INTS13: variants seen among roughly 807,000 people sequenced by gnomAD.
The protein encoded by INTS13 is asunder, spermatogenesis regulator homolog (Drosphila).
Under a neutral mutation model 90.2 loss-of-function variants are expected in INTS13, and 35 were observed. That is an observed-to-expected ratio of 0.39 (90% CI 0.30 to 0.51). The LOEUF is 0.51. Ranked by LOEUF, INTS13 falls within the 20% of genes least tolerant of loss-of-function variation. The probability of loss-of-function intolerance (pLI) is 0.80; values close to 1 mark genes in which losing one functional copy is unlikely to be tolerated. For synonymous variants in INTS13, 309 were observed against 277.1 expected (o/e 1.11, Z -1.14); for missense variants, 601 against 851.2 (o/e 0.71, Z 3.66).
At chr12:26,932,857 T>G (rs778415732) in intron 3 of INTS13, among the ~76,000 whole-genome samples, 1 of 152,204 alleles carries the variant, frequency 6.6e-6, no homozygotes, top group South Asian at 2.1e-4. Flanking sequence ...ATGAAGTATA[T>G]AGTCAGCAAT....
intron 10 of INTS13, 72 bp downstream of exon 10, chr12:26,917,276 CAAAT>C (rs1421107103): frequency 1.7e-5 from 7 of 415,172 alleles, no homozygotes; most frequent in African/African-American, 1.1e-4. Context: ...TAATTTCACT[CAAAT>C]AATAATTTAA....
At chr12:26,917,892 G>A (rs940910576) in intron 8 of INTS13, among the ~76,000 whole-genome samples, 159 bp from the exon 9 acceptor site, 1 of 152,172 alleles carries the variant, frequency 6.6e-6, no homozygotes, top group Non-Finnish European at 1.5e-5. Flanking sequence ...GGGAGGCTGA[G>A]GCAGGTGGAT....
intron 8 of INTS13, among the ~76,000 whole-genome samples, chr12:26,919,622 G>C (rs1952048186): frequency 6.6e-6 from 1 of 151,982 alleles, no homozygotes; most frequent in Non-Finnish European, 1.5e-5. Flanking sequence ...AAAATTAGTA[G>C]ACAAAATCAA....
chr12:26,935,781 C>T (rs889642377), intron 2 of INTS13, among the ~76,000 whole-genome samples: 2 of 152,196 alleles, frequency 1.3e-5, no homozygotes, highest in Non-Finnish European at 2.9e-5. Context: ...AGACTATGTT[C>T]ACCTTTACTC....
chr12:26,924,690 T>C (rs1184981833), intron 6 of INTS13, among the ~76,000 whole-genome samples: 1 of 152,184 alleles, frequency 6.6e-6, no homozygotes, highest in Non-Finnish European at 1.5e-5. Flanking sequence ...ATTAATCAGT[T>C]TGCTAGATAC....
chr12:26,913,859 AATATAT>A, intron 13 of INTS13, 109 bp downstream of exon 13: 3 of 1,168,810 alleles, frequency 2.6e-6, no homozygotes, highest in Non-Finnish European at 3.6e-6. Flanking sequence ...TTTCATCTCA[AATATAT>A]ATATAAACAT....
intron 7 of INTS13, among the ~76,000 whole-genome samples, chr12:26,923,024 T>C (rs1264113691): frequency 1.3e-5 from 2 of 152,140 alleles, no homozygotes; most frequent in African/African-American, 4.8e-5. Context: ...TATACAAATA[T>C]AATGTAATTG....
chr12:26,924,902 G>C (rs946634624), intron 6 of INTS13, among the ~76,000 whole-genome samples: 1 of 152,096 alleles, frequency 6.6e-6, no homozygotes, highest in Non-Finnish European at 1.5e-5. Context: ...CTAAAAGAAT[G>C]AATGTGGAAA....
chr12:26,935,541 G>A (rs963201459), intron 2 of INTS13, among the ~76,000 whole-genome samples: 1 of 152,062 alleles, frequency 6.6e-6, no homozygotes, highest in African/African-American at 2.4e-5. Flanking sequence ...AGCTTACATC[G>A]AGGAAGTAAG....
intron 15 of INTS13, among the ~76,000 whole-genome samples, chr12:26,907,541 T>C (rs1951645410): frequency 6.6e-6 from 1 of 152,194 alleles, no homozygotes; most frequent in African/African-American, 2.4e-5. Context: ...GTTAGATTTC[T>C]AACATGTAAC....
intron 8 of INTS13, among the ~76,000 whole-genome samples, chr12:26,921,203 C>G (rs1952109572): frequency 6.6e-6 from 1 of 152,216 alleles, no homozygotes; most frequent in Non-Finnish European, 1.5e-5. Flanking sequence ...ACTCCAGAGT[C>G]TTCTCCCCTA....
At chr12:26,913,870 A>ATC in intron 13 of INTS13, 104 bp downstream of exon 13, 1 of 1,198,822 alleles carries the variant, frequency 8.3e-7, no homozygotes, top group South Asian at 1.4e-5. Flanking sequence ...ATATATATAT[A>ATC]AACATGTCCT....
At chr12:26,929,844 G>A (rs768151242) in intron 3 of INTS13, among the ~76,000 whole-genome samples, 2 of 151,666 alleles carry the variant, frequency 1.3e-5, no homozygotes, top group Non-Finnish European at 2.9e-5. Flanking sequence ...AAGAGAGAGA[G>A]AGAGGATGGA....
At chr12:26,926,356 A>T (rs367988983) in intron 5 of INTS13, among the ~76,000 whole-genome samples, 1 of 152,210 alleles carries the variant, frequency 6.6e-6, no homozygotes, top group African/African-American at 2.4e-5. Flanking sequence ...TATGTCCTTC[A>T]CCTAGAGTCA....
intron 8 of INTS13, chr12:26,919,219 A>T (rs4353353): frequency 0.27 from 42,532 of 156,860 alleles, 5,799 homozygotes; most frequent in South Asian, 0.35. Context: ...TAGAGGAAAG[A>T]CTATTCAGGC....
intron 14 of INTS13, among the ~76,000 whole-genome samples, chr12:26,913,138 G>A (rs897350320): frequency 2.0e-5 from 3 of 152,104 alleles, no homozygotes; most frequent in African/African-American, 4.8e-5. Context: ...AATATTTAGT[G>A]AACAGAGGAA....
At chr12:26,926,511 T>G (rs1937882956) in intron 5 of INTS13, among the ~76,000 whole-genome samples, 1 of 152,168 alleles carries the variant, frequency 6.6e-6, no homozygotes, top group Non-Finnish European at 1.5e-5. Flanking sequence ...ACAATCCTAC[T>G]CATAACAATA....
chr12:26,917,731 C>T lies in INTS13; in HGVS notation c.892G>A (p.Asp298Asn). 6.2e-7 allele frequency: 1 copy of T among 1,606,776 alleles called. No homozygotes were observed. Reference sequence around the variant, plus strand: ...CGACTGCCGCCACCTAGATGCGAATCACCTTTAAAAATATGTCAGAGACAT... The same window carrying T: ...CGACTGCCGCCACCTAGATGCGAATTACCTTTAAAAATATGTCAGAGACAT... Reference protein sequence around the residue: ...DAHVDFLKSGDSHLGGGSREG... With the variant: ...DAHVDFLKSGNSHLGGGSREG... The change falls in exon 9 of 17, where the codon GAT (aspartate) becomes AAT (asparagine). Residue 298 changes from aspartate (D) to asparagine (N), a missense_variant and splice_region_variant. Physicochemically the swap from Asp to Asn is conservative, Grantham distance 23 (BLOSUM62 1). Coordinates refer to ENST00000261191, the MANE Select transcript of INTS13 (RefSeq NM_018164.3).
intron 15 of INTS13, among the ~76,000 whole-genome samples, chr12:26,909,073 T>G (rs567177102): frequency 6.6e-6 from 1 of 152,220 alleles, no homozygotes; most frequent in Non-Finnish European, 1.5e-5. Flanking sequence ...AATACCACCC[T>G]GTGGGGGCTG....
Sources: gnomAD v4.1 joint callset for allele counts (sites outside exome capture counted in the v4.1 genomes callset) on GRCh38, gnomAD v4.1.1 for gene constraint, MANE v1.5 for transcripts, NCBI Gene and HGNC (gene_info 2026-07-23, HGNC 2026-07-21) for gene names.